HOXB4: variants seen among roughly 807,000 people sequenced by gnomAD.
HOXB4 encodes the protein homeobox protein Hox-B4.
Under a neutral mutation model 20.0 loss-of-function variants are expected in HOXB4, and 13 were observed. The ratio of observed to expected loss-of-function variants is 0.65; its 90% confidence interval spans 0.42 to 1.03. The LOEUF is 1.03. HOXB4 is among the 50% of genes least tolerant of loss of function. The pLI, the probability that HOXB4 is intolerant of heterozygous loss-of-function variation, is 0.00. For missense variants in HOXB4, 343 were observed against 357.1 expected (o/e 0.96, Z 0.32); for synonymous variants, 173 against 148.9 (o/e 1.16, Z -1.18).
chr17:48,576,339 C>T lies in HOXB4; in HGVS notation c.*383G>A, dbSNP rs1195216240. The T allele has an allele frequency of 2.4e-5, 4 of 166,430 alleles. No individual in the cohort carries two copies. The highest frequency in any genetic ancestry group is 5.1e-5 in the Non-Finnish European group (4 of 77,898). 10.3% of individuals were successfully genotyped at this position (166,430 alleles called of 1,614,324 possible). ...GGCAGAGGAAACAAGACAGATGGGC[C>T]TGGACCTGGCGTGATTAAAGATGAA... On this transcript the variant is annotated 3_prime_UTR_variant, in exon 2 of 2. Transcript: ENST00000332503.
At position 48,576,682 on chromosome 17, in the gene HOXB4, AC is replaced by A; in HGVS notation, c.*39del. 2 of 264,106 alleles carry A rather than the reference AC, an allele frequency of 7.6e-6. No homozygotes were observed. Among genetic ancestry groups the A allele is most frequent in the Admixed American group, 7.2e-5 (1 of 13,816 alleles). The allele number at this position is 264,106 out of a possible 1,614,324, so 16.4% of individuals were successfully genotyped here. A position where few individuals can be genotyped will look rare whatever the true frequency, so the allele number is the denominator to read the frequency against. On this transcript the variant is annotated 3_prime_UTR_variant, in exon 2 of 2. Transcript: ENST00000332503. Reference sequence around the variant, plus strand: ...ACCCCATCCCCTGCACTCACTGCCCACCCCCACCCCGAGGTTCGTGGCTCCC... The same window carrying A: ...ACCCCATCCCCTGCACTCACTGCCCACCCCACCCCGAGGTTCGTGGCTCCC...
In HOXB4 at chr17:48,577,964, G is replaced by T; in HGVS notation, c.356C>A (p.Pro119Gln). 2 of 1,315,214 alleles carry T rather than the reference G, an allele frequency of 1.5e-6. No individual in the cohort carries two copies. Among genetic ancestry groups the T allele is most frequent in the Non-Finnish European group, 9.7e-7 (1 of 1,027,318 alleles). 81.5% of individuals were successfully genotyped at this position (1,315,214 alleles called of 1,614,324 possible). The change falls in exon 1 of 2, where the codon CCG becomes CAG. Residue 119 changes from proline (P) to glutamine (Q), a missense_variant. Around this residue, in one of 3 missense-constraint regions of HOXB4, gnomAD observed 241 missense variants for 222.0 expected, o/e 1.09. Coordinates refer to ENST00000332503, the MANE Select transcript of HOXB4 (RefSeq NM_024015.5). The part of the protein sequence containing the change: ...RCEAVSSSPP[P>Q]PPCAQNPLHP... The stretch of plus-strand genomic sequence containing the variant: ...CAGGGGGTTCTGGGCGCAGGGAGGC[G>T]GCGGGGGGCTGCTGCTGACCGCCTC...
At position 48,578,092 on chromosome 17, in the gene HOXB4, A is replaced by G. The variant is rs1409342651; in HGVS notation, c.228T>C (p.Pro76=). 7 of 633,716 alleles carry G rather than the reference A, an allele frequency of 1.1e-5. No individual in the cohort carries two copies. Among genetic ancestry groups the G allele is most frequent in the Non-Finnish European group, 1.1e-5 (5 of 471,778 alleles). 39.3% of individuals were successfully genotyped at this position (633,716 alleles called of 1,614,324 possible). A position where few individuals can be genotyped will look rare whatever the true frequency, so the allele number is the denominator to read the frequency against. ...AACRDPGPPP[P]PPPPPPPPPP... is the part of the protein sequence containing the mutation. ...GCGGGGGCGGCGGGGGTGGTGGCGG[A>G]GGCGGCGGGGGCCCAGGGTCCCGGC... The change falls in exon 1 of 2, where the codon CCT becomes CCC. Residue 76 remains proline (P), a synonymous_variant. Transcript: ENST00000332503.
intron 1 of HOXB4, 24 bp downstream of exon 1, chr17:48,577,839 G>C: frequency 7.2e-7 from 1 of 1,394,516 alleles, no homozygotes; most frequent in East Asian, 2.8e-5. Flanking sequence ...GGGTGGGAGG[G>C]GGAAGGGGTG....
rs374329404 is a variant in HOXB4 at position 48,577,788 on chromosome 17, C to CG, written c.457+74_457+75insC. The stretch of plus-strand genomic sequence containing the variant: ...TTGGCTTCCCCAGCTCAACCCCCCC[C>CG]CAACCCATGCCTCCGAAGTCCCTTT... On this transcript the variant is annotated intron_variant, in intron 1 of 1. Transcript: ENST00000332503. 1.3e-3 allele frequency: 1,641 copies of CG among 1,272,936 alleles called. 17 individuals carry two copies. The African/African-American group carries it at 0.022, about 17-fold the overall frequency. The allele number at this position is 1,272,936 out of a possible 1,614,324, so 78.9% of individuals were successfully genotyped here.
rs746932355 is a variant in HOXB4 at position 48,578,201 on chromosome 17, C to T, written c.119G>A (p.Gly40Asp). 8 of 1,613,482 alleles carry T rather than the reference C, an allele frequency of 5.0e-6. No individual in the cohort carries two copies. In the African/African-American group the frequency reaches 1.1e-4, roughly 22 times the overall value. The change falls in exon 1 of 2, where the codon GGC becomes GAC. Residue 40 changes from glycine (G) to aspartate (D), a missense_variant. Gly to Asp is a moderately conservative substitution (Grantham distance 94). This residue lies in a region of HOXB4 where 241 missense variants were observed against 222.0 expected (regional missense o/e 1.09). Coordinates refer to ENST00000332503, the MANE Select transcript of HOXB4 (RefSeq NM_024015.5). ...GAAGCTGCTCTCTCGCCTCTGGCCG[C>T]CGGCGTAGTACCCGGGCGAGTGGTC... ...PSDHSPGYYA[G>D]GQRRESSFQP... is the part of the protein sequence containing the mutation.
chr17:48,575,888 C>G lies in HOXB4; in HGVS notation c.*834G>C, dbSNP rs1000181354. ...CCCAGAACTCAACTGGCCCCTCACC[C>G]TGCCAAGCATGGCTTGGCTTGGCCT... On this transcript the variant is annotated 3_prime_UTR_variant, in exon 2 of 2. Transcript: ENST00000332503. 2.0e-5 allele frequency: 3 copies of G among 152,650 alleles called. No individual in the cohort carries two copies. Among genetic ancestry groups the G allele is most frequent in the African/African-American group, 7.2e-5 (3 of 41,448 alleles). The allele number at this position is 152,650 out of a possible 1,614,324, so 9.5% of individuals were successfully genotyped here. A position where few individuals can be genotyped will look rare whatever the true frequency, so the allele number is the denominator to read the frequency against.
At position 48,578,009 on chromosome 17, in the gene HOXB4, G is replaced by C; in HGVS notation, c.311C>G (p.Pro104Arg). The part of the protein sequence containing the change: ...PAPPPAGALL[P>R]EPGQRCEAVS... ...CGCCTCGCAGCGCTGGCCGGGCTCCGGGAGGAGGGCCCCGGCGGGTGGCGG... is the reference window on the plus strand; with the variant it reads ...CGCCTCGCAGCGCTGGCCGGGCTCCCGGAGGAGGGCCCCGGCGGGTGGCGG... Residue 104 changes from proline (P) to arginine (R), a missense_variant, in exon 1 of 2, where the codon CCG (proline) becomes CGG (arginine). This residue lies in a region of HOXB4 where 241 missense variants were observed against 222.0 expected (regional missense o/e 1.09). Transcript: ENST00000332503. 1 of 1,286,022 alleles carries C rather than the reference G, an allele frequency of 7.8e-7. No homozygotes were observed. The highest frequency in any genetic ancestry group is 9.9e-7 in the Non-Finnish European group (1 of 1,014,398). 79.7% of individuals were successfully genotyped at this position (1,286,022 alleles called of 1,614,324 possible).
At chr17:48,577,795 AT>A in intron 1 of HOXB4, 67 bp downstream of exon 1, 1 of 1,296,810 alleles carries the variant, frequency 7.7e-7, no homozygotes, top group African/African-American at 1.5e-5. Flanking sequence ...CCCCCAACCC[AT>A]GCCTCCGAAG....
Position 48,577,891 on chromosome 17 carries a change from G to A in HOXB4, c.429C>T (p.Pro143=). 2 of 1,386,664 alleles carry A rather than the reference G, an allele frequency of 1.4e-6. No individual in the cohort carries two copies. Among genetic ancestry groups the A allele is most frequent in the Non-Finnish European group, 9.4e-7 (1 of 1,064,244 alleles). 85.9% of individuals were successfully genotyped at this position (1,386,664 alleles called of 1,614,324 possible). The change falls in exon 1 of 2, where the codon CCC becomes CCT. Residue 143 remains proline, a synonymous_variant. Coordinates refer to ENST00000332503, the MANE Select transcript of HOXB4 (RefSeq NM_024015.5). ...TGCTCACGTGAACTTTGCGCATCCA[G>A]GGGTAGACGACGGGCTCTTTGCACG... is the stretch of plus-strand genomic sequence containing the variant. ...HSACKEPVVY[P]WMRKVHVSTV...
chr17:48,577,783 C>A (rs180762674), intron 1 of HOXB4, 80 bp downstream of exon 1: 5 of 1,238,698 alleles, frequency 4.0e-6, no homozygotes, highest in African/African-American at 3.1e-5. Context: ...CAGCTCAACC[C>A]CCCCCCAACC....
chr17:48,577,060 T>C (rs767170863), intron 1 of HOXB4, 40 bp from the exon 2 acceptor site: 11 of 1,518,650 alleles, frequency 7.2e-6, no homozygotes, highest in Non-Finnish European at 9.7e-6. Flanking sequence ...GAAAGTTTTA[T>C]TGCCCCCGAA....
At position 48,575,526 on chromosome 17, in the gene HOXB4, A is replaced by G. The variant is rs995573481; in HGVS notation, c.*1196T>C. 6.6e-6 allele frequency: 1 copy of G among 152,388 alleles called. No individual in the cohort carries two copies. Among genetic ancestry groups the G allele is most frequent in the African/African-American group, 2.4e-5 (1 of 41,424 alleles). 9.4% of individuals were successfully genotyped at this position (152,388 alleles called of 1,614,324 possible). A position where few individuals can be genotyped will look rare whatever the true frequency, so the allele number is the denominator to read the frequency against. Reference sequence around the variant, plus strand: ...ACGCTGTGCTGGTCACAAGAAACCAAACATTTATTTCTATTGTCACTCTGT... The same window carrying G: ...ACGCTGTGCTGGTCACAAGAAACCAGACATTTATTTCTATTGTCACTCTGT... On this transcript the variant is annotated 3_prime_UTR_variant, in exon 2 of 2. Coordinates refer to ENST00000332503, the MANE Select transcript of HOXB4 (RefSeq NM_024015.5).
At position 48,578,332 on chromosome 17, in the gene HOXB4, A is replaced by G. The variant is rs775292073; in HGVS notation, c.-13T>C. ...AACTCATAGCCATTAATTTCTGGGAATTGCCCACAAAATATACTAAAATTT... is the reference window on the plus strand; with the variant it reads ...AACTCATAGCCATTAATTTCTGGGAGTTGCCCACAAAATATACTAAAATTT... On this transcript the variant is annotated 5_prime_UTR_variant, in exon 1 of 2. Coordinates refer to ENST00000332503, the MANE Select transcript of HOXB4 (RefSeq NM_024015.5). 17 of 1,602,116 alleles carry G rather than the reference A, an allele frequency of 1.1e-5. No homozygotes were observed. The African/African-American group carries it at 2.2e-4, about 20-fold the overall frequency.
In HOXB4 at chr17:48,578,156, C is replaced by G; in HGVS notation, c.164G>C (p.Gly55Ala). The part of the protein sequence containing the change: ...ESSFQPEAGF[G>A]RRAACTVQRY... ...CTGCACGGTGCACGCCGCGCGCCGC[C>G]CGAAGCCCGCCTCCGGCTGGAAGCT... The change falls in exon 1 of 2, where the codon GGG (glycine) becomes GCG (alanine). Residue 55 changes from glycine to alanine, a missense_variant. Physicochemically the swap from Gly to Ala is moderately conservative, Grantham distance 60. Transcript: ENST00000332503. 1.3e-6 allele frequency: 2 copies of G among 1,599,356 alleles called. No individual in the cohort carries two copies. Among genetic ancestry groups the G allele is most frequent in the African/African-American group, 1.3e-5 (1 of 74,736 alleles).
At position 48,576,760 on chromosome 17, in the gene HOXB4, G is replaced by A. The variant is rs753938234; in HGVS notation, c.718C>T (p.Pro240Ser). 14 of 1,613,548 alleles carry A rather than the reference G, an allele frequency of 8.7e-6. No individual in the cohort carries two copies. Among genetic ancestry groups the A allele is most frequent in the Non-Finnish European group, 1.1e-5 (13 of 1,179,796 alleles). ...GGGCCTCCATTGGGCCGGCCAGGGG[G>A]CCCTCCGGCTGAGCCTGCCGCACCA... is the stretch of plus-strand genomic sequence containing the variant. ...SGGAAGSAGG[P>S]PGRPNGGPRA... Residue 240 changes from proline to serine, a missense_variant, in exon 2 of 2, where the codon CCC (proline) becomes TCC (serine). By Grantham distance (74) the Pro-to-Ser change is moderately conservative. Transcript: ENST00000332503.
rs774903494 is a variant in HOXB4 at position 48,576,860 on chromosome 17, G to A, written c.618C>T (p.Ile206=). The change falls in exon 2 of 2, where the codon ATC becomes ATT. Residue 206 remains isoleucine, a synonymous_variant. Transcript: ENST00000332503. ...AHALCLSERQ[I]KIWFQNRRMK... ...TGCGCCGGTTCTGGAACCAGATCTT[G>A]ATCTGGCGCTCGGAGAGGCAGAGCG... 3 of 1,614,146 alleles carry A rather than the reference G, an allele frequency of 1.9e-6. No homozygotes were observed. The highest frequency in any genetic ancestry group is 1.1e-5 in the South Asian group (1 of 91,092).
chr17:48,577,104 TTCCCTCCCTCCCTC>T (rs1194704433), intron 1 of HOXB4, 84 bp from the exon 2 acceptor site: 7 of 1,362,822 alleles, frequency 5.1e-6, no homozygotes, highest in Non-Finnish European at 5.9e-6. Context: ...AACACAGCGT[TTCCCTCCCTCCCTC>T]TCCCGCCACC....
In HOXB4 at chr17:48,576,881, G is replaced by A. The variant is rs975036413; in HGVS notation, c.597C>T (p.Leu199=). The A allele has an allele frequency of 3.7e-6, 6 of 1,614,144 alleles. No homozygotes were observed. Among genetic ancestry groups the A allele is most frequent in the Admixed American group, 1.7e-5 (1 of 60,014 alleles). The change falls in exon 2 of 2, where the codon CTC becomes CTT. Residue 199 remains leucine (L), a synonymous_variant. Coordinates refer to ENST00000332503, the MANE Select transcript of HOXB4 (RefSeq NM_024015.5). Reference sequence around the variant, plus strand: ...TCTTGATCTGGCGCTCGGAGAGGCAGAGCGCGTGGGCGATCTCCACCCTCC... The same window carrying A: ...TCTTGATCTGGCGCTCGGAGAGGCAAAGCGCGTGGGCGATCTCCACCCTCC... ...RRRRVEIAHA[L]CLSERQIKIW...
Sources: gnomAD v4.1 joint callset for allele counts on GRCh38, gnomAD v4.1.1 for gene constraint, gnomAD v4.1.1 regional missense constraint, MANE v1.5 for transcripts, NCBI Gene and HGNC (gene_info 2026-07-23, HGNC 2026-07-21) for gene names.